Variants in PCDH19 observed in about 807,000 individuals in gnomAD.
PCDH19 encodes the protein protocadherin 19.
PCDH19 carries 6 observed loss-of-function variants against 46.2 expected under a neutral mutation model. That is an observed-to-expected ratio of 0.13 (90% CI 0.07 to 0.26). PCDH19 has a LOEUF of 0.26. Among genes scored for constraint, PCDH19 ranks in the 10% least tolerant of loss-of-function variants. The pLI is 1.00. For synonymous variants in PCDH19, 481 were observed against 415.7 expected (o/e 1.16, Z -1.91); for missense variants, 740 against 972.3 (o/e 0.76, Z 3.18).
At chrX:100,326,520 G>A (rs923377753) in intron 5 of PCDH19, among the ~76,000 whole-genome samples, 1 of 111,502 alleles carries the variant, frequency 9.0e-6, no homozygotes, top group Admixed American at 9.5e-5. Flanking sequence ...TTTAAGAACC[G>A]TGAAGCAAGA....
chrX:100,386,195 C>A (rs1214395713), intron 3 of PCDH19, among the ~76,000 whole-genome samples: 1 of 111,299 alleles, frequency 9.0e-6, no homozygotes, highest in Admixed American at 9.6e-5. Context: ...CAGTTCTGTT[C>A]TTGGGACCTA....
intron 3 of PCDH19, among the ~76,000 whole-genome samples, chrX:100,392,532 G>A (rs904297447): frequency 8.9e-6 from 1 of 112,004 alleles, no homozygotes; most frequent in Non-Finnish European, 1.9e-5. Flanking sequence ...TAAGCTTTTA[G>A]GAACAAATGT....
intron 4 of PCDH19, among the ~76,000 whole-genome samples, chrX:100,347,598 T>A (rs926039733): frequency 2.7e-5 from 3 of 111,672 alleles, no homozygotes; most frequent in Non-Finnish European, 5.6e-5. Flanking sequence ...TGGACAGTGG[T>A]AGCTGCTGTT....
intron 3 of PCDH19, among the ~76,000 whole-genome samples, chrX:100,379,484 C>T (rs1332943788): frequency 8.9e-6 from 1 of 112,115 alleles, no homozygotes; most frequent in Non-Finnish European, 1.9e-5. Context: ...GGATGTATCC[C>T]TGCCTTTGAG....
intron 3 of PCDH19, among the ~76,000 whole-genome samples, chrX:100,398,895 A>AG (rs759028156): frequency 8.9e-6 from 1 of 112,088 alleles, no homozygotes; most frequent in Non-Finnish European, 1.9e-5. Context: ...AACCCAACAG[A>AG]GGAACCTACT....
chrX:100,305,610 A>C (rs1924921442), intron 5 of PCDH19, among the ~76,000 whole-genome samples: 1 of 112,025 alleles, frequency 8.9e-6, no homozygotes, highest in Non-Finnish European at 1.9e-5. Context: ...TGCTCCACTT[A>C]AAAGATACAG....
At chrX:100,313,406 C>T (rs1035211857) in intron 5 of PCDH19, among the ~76,000 whole-genome samples, 5 of 111,129 alleles carry the variant, frequency 4.5e-5, no homozygotes, top group Admixed American at 2.9e-4. Flanking sequence ...GATTCCAATT[C>T]GGCAGTTATA....
At position 100,295,935 on chromosome X, in the gene PCDH19, C is replaced by T; in HGVS notation, c.*342G>A. ...TTTTGCTTTTTTAAATGTAATCCTC[C>T]ACAAACAATGGTAATTTATATTATA... On this transcript the variant is annotated 3_prime_UTR_variant, in exon 6 of 6. Transcript: ENST00000373034. The T allele has an allele frequency of 5.1e-6, 1 of 197,883 alleles. No individual in the cohort carries two copies. The highest frequency in any genetic ancestry group is 9.2e-6 in the Non-Finnish European group (1 of 108,166). The allele number at this position is 197,883 out of a possible 1,213,427, so 16.3% of individuals were successfully genotyped here.
intron 3 of PCDH19, 132 bp from the exon 4 acceptor site, chrX:100,350,836 C>A: frequency 2.0e-6 from 1 of 498,409 alleles, no homozygotes; most frequent in Non-Finnish European, 3.6e-6. Context: ...GGCCACAGTG[C>A]AGCAGCAGCC....
chrX:100,392,891 A>G (rs1421999235), intron 3 of PCDH19, among the ~76,000 whole-genome samples: 1 of 111,460 alleles, frequency 9.0e-6, no homozygotes, highest in Non-Finnish European at 1.9e-5. Context: ...ATGCAGTTTG[A>G]CAGGGTCTCC....
intron 5 of PCDH19, 45 bp downstream of exon 5, chrX:100,341,858 T>A: frequency 8.7e-7 from 1 of 1,150,735 alleles, no homozygotes; most frequent in Non-Finnish European, 1.2e-6. Flanking sequence ...ACATTTTGGG[T>A]TCTTTGGAGT....
In PCDH19 at chrX:100,409,082, T is replaced by A. The variant is rs974618352; in HGVS notation, c.-485A>T. The A allele has an allele frequency of 3.5e-5, 4 of 112,973 alleles. No homozygotes were observed. Among genetic ancestry groups the A allele is most frequent in the African/African-American group, 1.3e-4 (4 of 31,034 alleles). 9.3% of individuals were successfully genotyped at this position (112,973 alleles called of 1,213,427 possible). On this transcript the variant is annotated 5_prime_UTR_variant, in exon 1 of 6. Transcript: ENST00000373034. ...CGCCGCGGTGCACCGGCACTGAGGC[T>A]GGCGAACTCGCTGTCTGTGCACCTG...
chrX:100,341,097 C>G (rs2147484320), intron 5 of PCDH19, among the ~76,000 whole-genome samples: 1 of 112,234 alleles, frequency 8.9e-6, no homozygotes, highest in African/African-American at 3.2e-5. Context: ...TCCATCTAAA[C>G]ATTCTGCCTT....
At chrX:100,316,129 C>T (rs1340765000) in intron 5 of PCDH19, among the ~76,000 whole-genome samples, 1 of 111,973 alleles carries the variant, frequency 8.9e-6, no homozygotes, top group Non-Finnish European at 1.9e-5. Flanking sequence ...TTGAATTTTC[C>T]TCTCTTTCTG....
rs1308278899 is a variant in PCDH19 at position 100,291,773 on chromosome X, CAT to C, written c.*4502_*4503del. Reference sequence around the variant, plus strand: ...ATGTGGCAGATAACACCATTTGAAACATAACTGTAATAATTTAATAAAGCTGC... The same window carrying C: ...ATGTGGCAGATAACACCATTTGAAACAACTGTAATAATTTAATAAAGCTGC... On this transcript the variant is annotated 3_prime_UTR_variant, in exon 6 of 6. Coordinates refer to ENST00000373034, the MANE Select transcript of PCDH19 (RefSeq NM_001184880.2). 8.8e-6 allele frequency: 1 copy of C among 113,160 alleles called. No individual in the cohort carries two copies. The highest frequency in any genetic ancestry group is 1.9e-5 in the Non-Finnish European group (1 of 53,334). 9.3% of individuals were successfully genotyped at this position (113,160 alleles called of 1,213,427 possible). A position where few individuals can be genotyped will look rare whatever the true frequency, so the allele number is the denominator to read the frequency against.
At chrX:100,321,955 A>G (rs781326660) in intron 5 of PCDH19, among the ~76,000 whole-genome samples, 226 of 107,523 alleles carry the variant, frequency 2.1e-3, no homozygotes, top group African/African-American at 7.3e-3. Flanking sequence ...ACACCCGGCT[A>G]ATTTTTTGTA....
Position 100,358,363 on chromosome X carries a change from T to C in PCDH19, c.2617-7659A>G, listed in dbSNP as rs181817104. ...TCAATGAGAAACACAGGCCATGTGG[T>C]TAACATTCAACAAATTAAATTGAAA... On this transcript the variant is annotated intron_variant, in intron 3 of 5. Transcript: ENST00000373034. 4.2e-3 allele frequency among the ~76,000 whole-genome samples: 470 copies of C among 112,093 alleles called. 3 individuals are homozygous for C. Among genetic ancestry groups the C allele is most frequent in the Middle Eastern group, 0.028 (6 of 215 alleles).
chrX:100,405,175 G>T (rs972655357), intron 1 of PCDH19, among the ~76,000 whole-genome samples: 1 of 111,999 alleles, frequency 8.9e-6, no homozygotes, highest in Non-Finnish European at 1.9e-5. Flanking sequence ...CATTTCAGAC[G>T]GTGTCAAATA....
intron 3 of PCDH19, among the ~76,000 whole-genome samples, chrX:100,400,408 G>A (rs761275797): frequency 1.8e-5 from 2 of 111,963 alleles, no homozygotes; most frequent in African/African-American, 3.2e-5. Context: ...TGCATGACAG[G>A]TGTGCCCATT....
Sources: gnomAD v4.1 joint callset for allele counts (sites outside exome capture counted in the v4.1 genomes callset) on GRCh38, gnomAD v4.1.1 for gene constraint, MANE v1.5 for transcripts, NCBI Gene and HGNC (gene_info 2026-07-23, HGNC 2026-07-21) for gene names.